NELL1: variants seen among roughly 807,000 people sequenced by gnomAD.
NELL1 encodes the protein protein kinase C-binding protein NELL1.
A neutral mutation model predicts 107.4 loss-of-function variants in NELL1; 76 were observed. The observed-to-expected ratio is 0.71, with a 90% CI of 0.59 to 0.86. The LOEUF (loss-of-function observed/expected upper bound fraction) is 0.86, where lower values mean the gene tolerates loss of function less well. NELL1 is among the 40% of genes least tolerant of loss of function. The pLI is 0.00. For missense variants in NELL1, 1,024 were observed against 1,005.5 expected, an observed-to-expected ratio of 1.02 and a Z score of -0.25; for synonymous variants, 353 against 341.2, an observed-to-expected ratio of 1.03 and a Z score of -0.38.
At chr11:21,061,815 T>C (rs1853749203) in intron 12 of NELL1, among the ~76,000 whole-genome samples, 2 of 152,178 alleles carry the variant, frequency 1.3e-5, no homozygotes, top group South Asian at 4.2e-4. Flanking sequence ...CGTCTCCAAT[T>C]AGACTGGTAA....
chr11:21,273,505 C>T (rs1242945416), intron 14 of NELL1, among the ~76,000 whole-genome samples: 1 of 152,124 alleles, frequency 6.6e-6, no homozygotes, highest in African/African-American at 2.4e-5. Context: ...GAGAACTTCC[C>T]CAATCTAGCA....
At chr11:20,677,695 G>T (rs1432408463) in intron 1 of NELL1, among the ~76,000 whole-genome samples, 2 of 151,996 alleles carry the variant, frequency 1.3e-5, no homozygotes, top group African/African-American at 4.8e-5. Flanking sequence ...CAGGAGTTTT[G>T]GATAAGAAAT....
At chr11:20,680,165 T>C (rs562920911) in intron 2 of NELL1, among the ~76,000 whole-genome samples, 1 of 152,274 alleles carries the variant, frequency 6.6e-6, no homozygotes, top group Admixed American at 6.5e-5. Flanking sequence ...ATCAGTAACT[T>C]AATCACATCT....
intron 3 of NELL1, among the ~76,000 whole-genome samples, chr11:20,838,421 A>C (rs1848569437): frequency 6.6e-6 from 1 of 151,318 alleles, no homozygotes; most frequent in Non-Finnish European, 1.5e-5. Flanking sequence ...CTTGGTTAAT[A>C]ATCTATTAAT....
chr11:21,222,482 C>T (rs1307784326), intron 13 of NELL1, among the ~76,000 whole-genome samples: 1 of 152,146 alleles, frequency 6.6e-6, no homozygotes, highest in Non-Finnish European at 1.5e-5. Context: ...AGGCGTGAGC[C>T]ACCACACCTG....
intron 13 of NELL1, among the ~76,000 whole-genome samples, chr11:21,220,287 G>A (rs187369969): frequency 7.2e-5 from 11 of 152,238 alleles, no homozygotes; most frequent in Admixed American, 2.0e-4. Context: ...TTGAAGTCAG[G>A]TAGTGTGATG....
At chr11:20,853,470 T>C (rs1848827086) in intron 4 of NELL1, among the ~76,000 whole-genome samples, 1 of 152,212 alleles carries the variant, frequency 6.6e-6, no homozygotes, top group East Asian at 1.9e-4. Context: ...TGCCAGAAAC[T>C]GCGCTTGCAT....
At chr11:21,040,136 T>A (rs1034731477) in intron 12 of NELL1, among the ~76,000 whole-genome samples, 4 of 151,704 alleles carry the variant, frequency 2.6e-5, no homozygotes, top group Non-Finnish European at 5.9e-5. Context: ...AATTTTTTTT[T>A]ACAGGTTGAA....
intron 13 of NELL1, among the ~76,000 whole-genome samples, chr11:21,158,312 G>T (rs1004100034): frequency 6.6e-6 from 1 of 152,086 alleles, no homozygotes; most frequent in African/African-American, 2.4e-5. Flanking sequence ...GTGGGACTTC[G>T]CTTTGTGATC....
At chr11:20,898,334 A>G (rs1369229180) in intron 5 of NELL1, among the ~76,000 whole-genome samples, 2 of 151,784 alleles carry the variant, frequency 1.3e-5, no homozygotes, top group South Asian at 4.2e-4. Context: ...AAAACCAAAC[A>G]CTGCATGTTC....
At chr11:21,561,210 C>G (rs1244924992) in intron 17 of NELL1, among the ~76,000 whole-genome samples, 1 of 151,968 alleles carries the variant, frequency 6.6e-6, no homozygotes, top group Non-Finnish European at 1.5e-5. Context: ...GCCTCTTAGC[C>G]AAGTCTCCTG....
At chr11:20,684,397 T>C (rs1854259057) in intron 2 of NELL1, among the ~76,000 whole-genome samples, 1 of 152,160 alleles carries the variant, frequency 6.6e-6, no homozygotes, top group African/African-American at 2.4e-5. Flanking sequence ...GTCATTACTA[T>C]CACTTAGTGT....
At chr11:21,558,399 A>AAT (rs58550867) in intron 16 of NELL1, among the ~76,000 whole-genome samples, 19,657 of 149,360 alleles carry the variant, frequency 0.13, 1,543 homozygotes, top group African/African-American at 0.22. Context: ...CAAGCTACAT[A>AAT]ATATATATAT....
At chr11:21,355,937 G>T (rs1238073066) in intron 14 of NELL1, among the ~76,000 whole-genome samples, 2 of 152,052 alleles carry the variant, frequency 1.3e-5, no homozygotes, top group Non-Finnish European at 2.9e-5. Flanking sequence ...TGCACTTGCT[G>T]TAACCTTTGC....
At chr11:21,482,340 A>C (rs1854513855) in intron 15 of NELL1, among the ~76,000 whole-genome samples, 1 of 152,120 alleles carries the variant, frequency 6.6e-6, no homozygotes, top group Non-Finnish European at 1.5e-5. Flanking sequence ...GTTGTTCTTA[A>C]GTCATATGCC....
At chr11:20,986,077 C>G (rs961781988) in intron 12 of NELL1, among the ~76,000 whole-genome samples, 1 of 152,108 alleles carries the variant, frequency 6.6e-6, no homozygotes, top group African/African-American at 2.4e-5. Flanking sequence ...GGCTCACAGG[C>G]ACTTTGGAGA....
At chr11:21,245,929 A>G (rs375134094) in intron 14 of NELL1, among the ~76,000 whole-genome samples, 17 of 152,162 alleles carry the variant, frequency 1.1e-4, no homozygotes, top group African/African-American at 4.1e-4. Context: ...GGCACTTTAG[A>G]TTCAGTCTCT....
At chr11:21,501,267 A>G (rs1855133686) in intron 15 of NELL1, among the ~76,000 whole-genome samples, 1 of 152,160 alleles carries the variant, frequency 6.6e-6, no homozygotes, top group South Asian at 2.1e-4. Context: ...AGTAACAGAT[A>G]TTTGTTCTCT....
chr11:20,678,359 G>C (rs1854113708), intron 2 of NELL1, among the ~76,000 whole-genome samples: 1 of 152,098 alleles, frequency 6.6e-6, no homozygotes, highest in Non-Finnish European at 1.5e-5. Flanking sequence ...TATTGTTACA[G>C]GACATTTCTC....
Sources: allele counts gnomAD v4.1 joint callset (sites outside exome capture counted in the v4.1 genomes callset), GRCh38; gene constraint gnomAD v4.1.1; transcripts MANE v1.5; gene names NCBI Gene and HGNC (gene_info 2026-07-23, HGNC 2026-07-21).